EYA1: variants seen among roughly 807,000 people sequenced by gnomAD.
EYA1 encodes EYA transcriptional coactivator and phosphatase 1.
In EYA1, 16 loss-of-function variants were observed where a neutral mutation model predicts 82.0. The observed-to-expected ratio is 0.20, with a 90% CI of 0.13 to 0.30. The LOEUF is 0.30. Ranked by LOEUF, EYA1 falls within the 10% of genes least tolerant of loss-of-function variation. EYA1 has a pLI of 1.00. For missense variants in EYA1, 633 were observed against 730.7 expected, an observed-to-expected ratio of 0.87 and a Z score of 1.54; for synonymous variants, 261 against 264.4, an observed-to-expected ratio of 0.99 and a Z score of 0.12.
chr8:71,419,675 A>T (rs922328252), intron 2 of EYA1, among the ~76,000 whole-genome samples: 3 of 152,140 alleles, frequency 2.0e-5, no homozygotes, highest in African/African-American at 7.2e-5. Flanking sequence ...AATTTTCCAT[A>T]AAGTTTTTTA....
intron 2 of EYA1, chr8:71,403,842 T>C (rs1436672423): frequency 1.3e-5 from 2 of 152,196 alleles, no homozygotes; most frequent in Non-Finnish European, 2.9e-5. Context: ...CATAAAAGTA[T>C]ACATCCCAAG....
At chr8:71,531,972 G>A (rs186232573) in intron 2 of EYA1, among the ~76,000 whole-genome samples, 43 of 152,164 alleles carry the variant, frequency 2.8e-4, no homozygotes, top group Non-Finnish European at 1.0e-4. Context: ...TTCTACTCAG[G>A]GTCATGTCTA....
At chr8:71,415,714 A>T (rs1240386544) in intron 2 of EYA1, among the ~76,000 whole-genome samples, 7 of 151,738 alleles carry the variant, frequency 4.6e-5, no homozygotes, top group Non-Finnish European at 1.0e-4. Flanking sequence ...CACTCTATAG[A>T]CACGACTTGG....
At chr8:71,416,207 C>T (rs1358655430) in intron 2 of EYA1, among the ~76,000 whole-genome samples, 1 of 152,234 alleles carries the variant, frequency 6.6e-6, no homozygotes, top group Non-Finnish European at 1.5e-5. Flanking sequence ...TTCTGCCTTG[C>T]TTCTGGCAGG....
intron 2 of EYA1, among the ~76,000 whole-genome samples, chr8:71,483,347 AAGCCCT>A (rs200441621): frequency 0.099 from 15,066 of 152,142 alleles, 973 homozygotes; most frequent in African/African-American, 0.18. Flanking sequence ...TAACACTGCA[AAGCCCT>A]CACTTTAGTA....
intron 12 of EYA1, among the ~76,000 whole-genome samples, chr8:71,229,886 G>A (rs1230987039): frequency 6.6e-6 from 1 of 152,144 alleles, no homozygotes; most frequent in African/African-American, 2.4e-5. Context: ...TTTCTGAAGA[G>A]GCAAAAGATT....
At chr8:71,213,270 A>G (rs1423865410) in intron 16 of EYA1, among the ~76,000 whole-genome samples, 1 of 152,088 alleles carries the variant, frequency 6.6e-6, no homozygotes, top group East Asian at 1.9e-4. Context: ...ATTATTTGGG[A>G]TTAAACTTCA....
intron 3 of EYA1, among the ~76,000 whole-genome samples, chr8:71,352,526 G>A (rs1826410815): frequency 6.6e-6 from 1 of 152,148 alleles, no homozygotes; most frequent in Non-Finnish European, 1.5e-5. Context: ...CACCATGCTT[G>A]TAAAGTACAT....
rs565219401 is a variant in EYA1 at position 71,348,013 on chromosome 8, G to A, written c.124+6769C>T. On this transcript the variant is annotated intron_variant, in intron 3 of 17. Coordinates refer to ENST00000340726, the MANE Select transcript of EYA1 (RefSeq NM_000503.6). Reference sequence around the variant, plus strand: ...TAACATAAACCCTTGATAAGCTTATGAAGACTTGCTTTCTCTCTACTATAG... The same window carrying A: ...TAACATAAACCCTTGATAAGCTTATAAAGACTTGCTTTCTCTCTACTATAG... Among the ~76,000 whole-genome samples, 168 of 151,840 alleles carry A rather than the reference G, an allele frequency of 1.1e-3. 1 individual carries two copies. Among genetic ancestry groups the A allele is most frequent in the African/African-American group, 3.9e-3 (162 of 41,396 alleles).
intron 9 of EYA1, among the ~76,000 whole-genome samples, chr8:71,285,202 A>G (rs1464547062): frequency 6.6e-6 from 1 of 152,242 alleles, no homozygotes; most frequent in Non-Finnish European, 1.5e-5. Flanking sequence ...GCAATTTAAT[A>G]GCACAATTAA....
chr8:71,424,603 G>T (rs535522241), intron 2 of EYA1, among the ~76,000 whole-genome samples: 1 of 152,282 alleles, frequency 6.6e-6, no homozygotes, highest in Non-Finnish European at 1.5e-5. Context: ...AGTAATTTCA[G>T]TAAGATGGCA....
intron 2 of EYA1, among the ~76,000 whole-genome samples, chr8:71,491,028 T>TG (rs907949334): frequency 4.0e-5 from 6 of 151,194 alleles, no homozygotes; most frequent in African/African-American, 1.5e-4. Context: ...AATGATTGGA[T>TG]GAAAAAAAAA....
intron 9 of EYA1, among the ~76,000 whole-genome samples, chr8:71,282,976 T>C (rs1817986071): frequency 6.6e-6 from 1 of 151,056 alleles, no homozygotes; most frequent in Non-Finnish European, 1.5e-5. Flanking sequence ...ACTTATTCTC[T>C]GTCCATGACT....
At chr8:71,211,847 C>G (rs1808554833) in intron 16 of EYA1, among the ~76,000 whole-genome samples, 1 of 152,158 alleles carries the variant, frequency 6.6e-6, no homozygotes, top group African/African-American at 2.4e-5. Flanking sequence ...AACTCCTTCT[C>G]AAATAAATGT....
chr8:71,480,564 G>GA (rs1189996486), intron 2 of EYA1, among the ~76,000 whole-genome samples: 129 of 146,730 alleles, frequency 8.8e-4, no homozygotes, highest in Non-Finnish European at 1.2e-3. Context: ...CTTCTAAAGT[G>GA]AAAAAAAAAA....
At chr8:71,241,094 C>G (rs189081083) in intron 12 of EYA1, among the ~76,000 whole-genome samples, 1 of 152,292 alleles carries the variant, frequency 6.6e-6, no homozygotes, top group Admixed American at 6.5e-5. Flanking sequence ...GAACTAAAGT[C>G]GAAACCCTTC....
chr8:71,257,113 A>G (rs1483278295), intron 11 of EYA1, among the ~76,000 whole-genome samples: 1 of 152,174 alleles, frequency 6.6e-6, no homozygotes, highest in East Asian at 1.9e-4. Flanking sequence ...AATACTATTT[A>G]TTACTTCTAT....
intron 2 of EYA1, among the ~76,000 whole-genome samples, chr8:71,481,344 G>A (rs910024565): frequency 8.5e-5 from 13 of 152,090 alleles, no homozygotes; most frequent in African/African-American, 2.7e-4. Flanking sequence ...CAAGGCTGCC[G>A]TCAATTTTAA....
intron 7 of EYA1, among the ~76,000 whole-genome samples, chr8:71,309,025 A>AGGC (rs1821042273): frequency 6.6e-6 from 1 of 152,204 alleles, no homozygotes; most frequent in Non-Finnish European, 1.5e-5. Context: ...AAGCTTTCGA[A>AGGC]GGCCAGATGG....
Sources: allele counts gnomAD v4.1 joint callset (sites outside exome capture counted in the v4.1 genomes callset), GRCh38; gene constraint gnomAD v4.1.1; transcripts MANE v1.5; gene names NCBI Gene and HGNC (gene_info 2026-07-23, HGNC 2026-07-21).